The following BAZ2B variants were observed in gnomAD, a reference collection of about 807,000 sequenced individuals.
BAZ2B encodes bromodomain adjacent to zinc finger domain 2B, also known as bromodomain adjacent to zinc finger domain protein 2B.
In BAZ2B, 91 loss-of-function variants were observed where a neutral mutation model predicts 246.0. The ratio of observed to expected loss-of-function variants is 0.37; its 90% CI spans 0.31 to 0.44. The LOEUF (loss-of-function observed/expected upper bound fraction) is 0.44, where lower values mean the gene tolerates loss of function less well. Ranked by LOEUF, BAZ2B falls within the 20% of genes least tolerant of loss-of-function variation. The pLI is 1.00. For missense variants in BAZ2B, 2,332 were observed against 2,533.7 expected (o/e 0.92, Z 1.71); for synonymous variants, 855 against 860.0 (o/e 0.99, Z 0.10).
At chr2:159,674,561 C>T in the BAZ2B span, among the ~76,000 whole-genome samples, 1 of 151,480 alleles carries the variant, frequency 6.6e-6, no homozygotes, top group Admixed American at 6.6e-5. Flanking sequence ...CTAAAAAATA[C>T]AAAAATTAGC....
chr2:159,514,856 G>T (rs2083272151), intron 2 of BAZ2B, among the ~76,000 whole-genome samples: 1 of 151,890 alleles, frequency 6.6e-6, no homozygotes. Flanking sequence ...TTAAAATAGA[G>T]GCACTATTAT....
intron 2 of BAZ2B, among the ~76,000 whole-genome samples, chr2:159,490,771 T>C (rs527627561): frequency 6.6e-6 from 1 of 152,262 alleles, no homozygotes; most frequent in African/African-American, 2.4e-5. Flanking sequence ...AAAGGGGATA[T>C]AAATGCTATA....
intron 2 of BAZ2B, among the ~76,000 whole-genome samples, chr2:159,519,068 A>G (rs1444071715): frequency 6.6e-6 from 1 of 152,160 alleles, no homozygotes; most frequent in South Asian, 2.1e-4. Flanking sequence ...AGCCAGAGTG[A>G]TAACATAAGG....
chr2:159,447,082 G>T, intron 5 of BAZ2B, 107 bp from the exon 6 acceptor site: 1 of 761,548 alleles, frequency 1.3e-6, no homozygotes, highest in Non-Finnish European at 1.9e-6. Context: ...TATGATAAGT[G>T]AAAGAAGACA....
intron 3 of BAZ2B, chr2:159,462,162 A>T (rs74547104): frequency 2.4e-5 from 6 of 245,412 alleles, no homozygotes; most frequent in Middle Eastern, 1.4e-3. Context: ...TGGCAGAATT[A>T]AAAAAAAAAG....
the BAZ2B span, chr2:159,712,132 T>C: frequency 6.6e-6 from 1 of 150,404 alleles, no homozygotes; most frequent in African/African-American, 2.4e-5. Flanking sequence ...CTGGGCGTTA[T>C]TTCGAGCACG....
chr2:159,350,047 C>T lies in BAZ2B; in HGVS notation c.4524G>A (p.Leu1508=), dbSNP rs1437862115. ...LSYQNSGKHS[L]GSVQSTATQS... ...GCGTTGCTGTTGACTGAACGCTGCC[C>T]AGTGAATGTTTTCCACTGTTCTGAT... The change falls in exon 28 of 37, where the codon CTG becomes CTA. Residue 1508 remains leucine (L), a synonymous_variant. Coordinates refer to ENST00000392783, the MANE Select transcript of BAZ2B (RefSeq NM_013450.4). 1.2e-6 allele frequency: 2 copies of T among 1,614,146 alleles called. No homozygotes were observed. The highest frequency in any genetic ancestry group is 1.7e-6 in the Non-Finnish European group (2 of 1,180,020).
chr2:159,603,123 C>T (rs550208427), intron 1 of BAZ2B, among the ~76,000 whole-genome samples: 9 of 152,158 alleles, frequency 5.9e-5, no homozygotes, highest in African/African-American at 2.2e-4. Flanking sequence ...GGCAACAGAG[C>T]GAGACTCCGT....
At chr2:159,599,025 T>G (rs1188538111) in intron 1 of BAZ2B, among the ~76,000 whole-genome samples, 7 of 150,440 alleles carry the variant, frequency 4.7e-5, no homozygotes, top group Non-Finnish European at 3.0e-5. Context: ...GGAGGATCAC[T>G]TGAGGACCAG....
chr2:159,445,354 G>A (rs929932840), intron 6 of BAZ2B, among the ~76,000 whole-genome samples: 1 of 152,196 alleles, frequency 6.6e-6, no homozygotes, highest in Non-Finnish European at 1.5e-5. Flanking sequence ...AAAAGGAGAT[G>A]TAGGGAATAT....
At chr2:159,482,357 A>T (rs995111409) in intron 2 of BAZ2B, among the ~76,000 whole-genome samples, 18 of 152,080 alleles carry the variant, frequency 1.2e-4, no homozygotes, top group Admixed American at 1.0e-3. Flanking sequence ...CTCAGTTCTC[A>T]ATTTCCTCAT....
chr2:159,653,551 C>T, the BAZ2B span, among the ~76,000 whole-genome samples: 2 of 152,054 alleles, frequency 1.3e-5, no homozygotes, highest in African/African-American at 2.4e-5. Flanking sequence ...AGTCTTTGCT[C>T]GGCACCCTAG....
At chr2:159,593,645 C>A (rs1472318257) in intron 1 of BAZ2B, among the ~76,000 whole-genome samples, 1 of 152,126 alleles carries the variant, frequency 6.6e-6, no homozygotes, top group Non-Finnish European at 1.5e-5. Flanking sequence ...TTCATGCCTT[C>A]CCCCTCAAAC....
the BAZ2B span, among the ~76,000 whole-genome samples, chr2:159,658,825 TA>T: frequency 6.6e-6 from 1 of 152,152 alleles, no homozygotes; most frequent in African/African-American, 2.4e-5. Context: ...AGCTAAATTT[TA>T]TTTGTATTGA....
rs946612451 is a variant in BAZ2B at position 159,474,275 on chromosome 2, C to T, written c.145+4300G>A. The stretch of plus-strand genomic sequence containing the variant: ...ATGCATATATATTTAGGATAGTTAG[C>T]TCTTCTTTTTGCATTGATCCCTTTA... On this transcript the variant is annotated intron_variant, in intron 3 of 36. Coordinates refer to ENST00000392783, the MANE Select transcript of BAZ2B (RefSeq NM_013450.4). Among the ~76,000 whole-genome samples the T allele has an allele frequency of 3.3e-5, 5 of 152,134 alleles. 1 individual carries two copies. The highest frequency in any genetic ancestry group is 2.6e-4 in the Admixed American group (4 of 15,266).
intron 17 of BAZ2B, among the ~76,000 whole-genome samples, 188 bp downstream of exon 17, chr2:159,400,411 C>T (rs1419893029): frequency 1.3e-5 from 2 of 152,100 alleles, no homozygotes; most frequent in African/African-American, 4.8e-5. Context: ...TTTTGTATAT[C>T]TTTACTGTTG....
intron 2 of BAZ2B, among the ~76,000 whole-genome samples, chr2:159,487,864 A>G (rs1466623437): frequency 6.6e-6 from 1 of 151,930 alleles, no homozygotes; most frequent in Non-Finnish European, 1.5e-5. Flanking sequence ...GATAAGAATA[A>G]TAGTGTTCCT....
At chr2:159,479,912 A>G (rs900213359) in intron 2 of BAZ2B, among the ~76,000 whole-genome samples, 7 of 152,166 alleles carry the variant, frequency 4.6e-5, no homozygotes, top group Non-Finnish European at 7.4e-5. Context: ...CATAAATGAC[A>G]GTACTGCTAT....
intron 19 of BAZ2B, 142 bp from the exon 20 acceptor site, chr2:159,395,976 A>T (rs2063962270): frequency 1.5e-6 from 1 of 656,490 alleles, no homozygotes; most frequent in Non-Finnish European, 2.5e-6. Context: ...TAAATACTAA[A>T]TATAAGACAA....
Sources: gnomAD v4.1 joint callset for allele counts (sites outside exome capture counted in the v4.1 genomes callset) on GRCh38, gnomAD v4.1.1 for gene constraint, MANE v1.5 for transcripts, NCBI Gene and HGNC (gene_info 2026-07-23, HGNC 2026-07-21) for gene names.